IRX1: variants seen among roughly 807,000 people sequenced by gnomAD.
The protein encoded by IRX1 is iroquois-class homeodomain protein IRX-1.
IRX1 carries 22 observed loss-of-function variants against 34.1 expected under a neutral mutation model. The ratio of observed to expected loss-of-function variants is 0.64; its 90% confidence interval spans 0.46 to 0.92. The LOEUF (loss-of-function observed/expected upper bound fraction) is 0.92. Among genes scored for constraint, IRX1 ranks in the 40% least tolerant of loss-of-function variants. IRX1 has a pLI of 0.00. For missense variants in IRX1, 758 were observed against 680.0 expected (o/e 1.11, Z -1.28); for synonymous variants, 363 against 319.0 (o/e 1.14, Z -1.47).
Position 3,596,217 on chromosome 5 carries a change from G to T in IRX1, c.112G>T (p.Ala38Ser), listed in dbSNP as rs1207254610. 4.6e-6 allele frequency: 5 copies of T among 1,089,330 alleles called. No individual in the cohort carries two copies. The highest frequency in any genetic ancestry group is 4.5e-6 in the Non-Finnish European group (4 of 898,336). 67.5% of individuals were successfully genotyped at this position (1,089,330 alleles called of 1,614,324 possible). A position where few individuals can be genotyped will look rare whatever the true frequency, so the allele number is the denominator to read the frequency against. Residue 38 changes from alanine (A) to serine (S), a missense_variant, in exon 1 of 4, where the codon GCC becomes TCC. By Grantham distance (99) the Ala-to-Ser change is moderately conservative (BLOSUM62 1). Coordinates refer to ENST00000302006, the MANE Select transcript of IRX1 (RefSeq NM_024337.4). ...CGCGGCCGCTGCGGCGGCTGCCGCC[G>T]CCTCGTCGGGCCGACCGGGGGCCGC... is the stretch of plus-strand genomic sequence containing the variant. The part of the protein sequence containing the change: ...LAAAAAAAAA[A>S]SSGRPGAAEL...
rs983498536 is a variant in IRX1, at chr5:3,599,191, C to T, written c.277-34C>T. The T allele has an allele frequency of 1.9e-6, 3 of 1,584,768 alleles. No individual in the cohort carries two copies. In the African/African-American group the frequency reaches 4.0e-5, roughly 21 times the overall value. ...CCCTTTCTCTCTCCACTTCCCTCCTCTCTCTCCTCGATGGATCTGCCCTGT... is the reference window on the plus strand; with the variant it reads ...CCCTTTCTCTCTCCACTTCCCTCCTTTCTCTCCTCGATGGATCTGCCCTGT... On this transcript the variant is annotated intron_variant, in intron 1 of 3. Transcript: ENST00000302006. The surrounding 1 kb of genome is among the most constrained non-coding windows in gnomAD (Gnocchi z 6.6).
At position 3,601,068 on chromosome 5, in the gene IRX1, G is replaced by A. The variant is rs749783603; in HGVS notation, c.*28G>A. On this transcript the variant is annotated 3_prime_UTR_variant, in exon 4 of 4. Transcript: ENST00000302006. ...AAGGGTCTTCTTTTACTTTTGCGGG[G>A]GGGAGGGGGGAGGAGTTGGGGAGGG... is the stretch of plus-strand genomic sequence containing the variant. 5.0e-6 allele frequency: 8 copies of A among 1,590,104 alleles called. No homozygotes were observed. The highest frequency in any genetic ancestry group is 6.9e-6 in the Non-Finnish European group (8 of 1,159,186).
chr5:3,598,085 C>T (rs963641871), intron 1 of IRX1, among the ~76,000 whole-genome samples: 7 of 152,092 alleles, frequency 4.6e-5, no homozygotes, highest in Admixed American at 3.9e-4. Flanking sequence ...CTCCAGCTCT[C>T]CCACTGGTTC....
At position 3,599,167 on chromosome 5, in the gene IRX1, C is replaced by A; in HGVS notation, c.277-58C>A. The A allele has an allele frequency of 6.6e-7, 1 of 1,508,980 alleles. No individual in the cohort carries two copies. The highest frequency in any genetic ancestry group is 9.0e-7 in the Non-Finnish European group (1 of 1,108,548). The allele number at this position is 1,508,980 out of a possible 1,614,324, so 93.5% of individuals were successfully genotyped here. On this transcript the variant is annotated intron_variant, in intron 1 of 3. Coordinates refer to ENST00000302006, the MANE Select transcript of IRX1 (RefSeq NM_024337.4). This position sits in a 1 kb window ranked among gnomAD's most constrained non-coding sequence, Gnocchi z 6.6. ...GGACTCATGTCTCTCTCTCTCTCTC[C>A]CTTTCTCTCTCCACTTCCCTCCTCT...
chr5:3,598,830 C>T (rs530525155), intron 1 of IRX1, among the ~76,000 whole-genome samples: 183 of 152,284 alleles, frequency 1.2e-3, no homozygotes, highest in Non-Finnish European at 2.0e-3. Flanking sequence ...GAAAGATAAA[C>T]TTGGAAATGC....
Position 3,600,910 on chromosome 5 carries a change from C to A in IRX1, c.1386-73C>A, listed in dbSNP as rs577906857. On this transcript the variant is annotated intron_variant, in intron 3 of 3. Coordinates refer to ENST00000302006, the MANE Select transcript of IRX1 (RefSeq NM_024337.4). ...CGCCCCCAGGGCTCCGCTACTGGAA[C>A]CGGCGTCGCCCGGCGCTGCGTCCCC... The A allele has an allele frequency of 2.7e-4, 403 of 1,488,178 alleles. 6 individuals are homozygous for A. The South Asian group carries it at 4.3e-3, about 16-fold the overall frequency. 92.2% of individuals were successfully genotyped at this position (1,488,178 alleles called of 1,614,324 possible).
At chr5:3,596,438 G>T in intron 1 of IRX1, 57 bp downstream of exon 1, 2 of 1,383,640 alleles carry the variant, frequency 1.4e-6, no homozygotes, top group Non-Finnish European at 1.9e-6. Flanking sequence ...CAGGGCAAGG[G>T]TGGCGGGTCG....
In IRX1 at chr5:3,599,978, C is replaced by T. The variant is rs1378737642; in HGVS notation, c.1030C>T (p.His344Tyr). 1.3e-6 allele frequency: 2 copies of T among 1,511,972 alleles called. No individual in the cohort carries two copies. The highest frequency in any genetic ancestry group is 2.5e-5 in the South Asian group (2 of 78,718). 93.7% of individuals were successfully genotyped at this position (1,511,972 alleles called of 1,614,324 possible). Residue 344 changes from histidine (H) to tyrosine (Y), a missense_variant, in exon 2 of 4, where the codon CAC (histidine) becomes TAC (tyrosine). Transcript: ENST00000302006. The surrounding 1 kb of genome is among the most constrained non-coding windows in gnomAD (Gnocchi z 6.6). ...ACCACCCGCGGGCCACCCCGGCGCG[C>T]ACGGGCCCTCCGCCGGGGCGCCGCT... is the stretch of plus-strand genomic sequence containing the variant. Reference protein sequence around the residue: ...PPPPAGHPGAHGPSAGAPLQH... With the variant: ...PPPPAGHPGAYGPSAGAPLQH...
chr5:3,600,742 C>A, intron 3 of IRX1, 61 bp downstream of exon 3: 1 of 1,451,322 alleles, frequency 6.9e-7, no homozygotes, highest in Non-Finnish European at 9.6e-7. Context: ...GAGGAGTGGT[C>A]GGGACCCGGG....
chr5:3,598,930 A>G (rs1442475396), intron 1 of IRX1, among the ~76,000 whole-genome samples: 2 of 152,102 alleles, frequency 1.3e-5, no homozygotes, highest in African/African-American at 2.4e-5. Context: ...TGGAGAGTGC[A>G]CTGTTTGTGG....
Position 3,600,253 on chromosome 5 carries a change from G to T in IRX1, c.1305G>T (p.Thr435=), listed in dbSNP as rs1250835220. 5.0e-6 allele frequency: 8 copies of T among 1,590,278 alleles called. No homozygotes were observed. The highest frequency in any genetic ancestry group is 1.3e-5 in the African/African-American group (1 of 74,802). ...AGGCCTCGGTCCGCAGCAGCCCCAC[G>T]CTCCCAGGTACAGCTCCAGGCCGCG... The part of the protein sequence containing the change: ...GDKASVRSSP[T]LPERDLVPRP... Residue 435 remains threonine, a synonymous_variant, in exon 2 of 4, where the codon ACG becomes ACT. Coordinates refer to ENST00000302006, the MANE Select transcript of IRX1 (RefSeq NM_024337.4).
chr5:3,598,699 G>A (rs541677413), intron 1 of IRX1, among the ~76,000 whole-genome samples: 4 of 152,196 alleles, frequency 2.6e-5, no homozygotes, highest in Non-Finnish European at 5.9e-5. Flanking sequence ...AGAAAACCCG[G>A]GATGGTTTAT....
Position 3,595,929 on chromosome 5 carries a change from C to T in IRX1, c.-177C>T. On this transcript the variant is annotated 5_prime_UTR_variant, in exon 1 of 4. Transcript: ENST00000302006. ...CCGGGAGCCGGGCGCCTGCGAGCAC[C>T]GGGCAGAGGAGCCGCGACCGGCCTC... 1 of 212,784 alleles carries T rather than the reference C, an allele frequency of 4.7e-6. No individual in the cohort carries two copies. Among genetic ancestry groups the T allele is most frequent in the Non-Finnish European group, 8.2e-6 (1 of 121,254 alleles). 13.2% of individuals were successfully genotyped at this position (212,784 alleles called of 1,614,324 possible). A position where few individuals can be genotyped will look rare whatever the true frequency, so the allele number is the denominator to read the frequency against.
rs528222916 is a variant in IRX1, at chr5:3,600,192, C to T, written c.1244C>T (p.Pro415Leu). 9.3e-6 allele frequency: 15 copies of T among 1,612,050 alleles called. No individual in the cohort carries two copies. Among genetic ancestry groups the T allele is most frequent in the South Asian group, 1.1e-5 (1 of 91,004 alleles). The change falls in exon 2 of 4, where the codon CCG becomes CTG. Residue 415 changes from proline to leucine, a missense_variant. Around this residue, in one of 3 missense-constraint regions of IRX1, gnomAD observed 529 missense variants for 418.8 expected, o/e 1.26. Coordinates refer to ENST00000302006, the MANE Select transcript of IRX1 (RefSeq NM_024337.4). ...CCTGCACCTCCACCACCGCAGCCGC[C>T]GGTCGCTATTGCCCCGGGGGCACTC... ...HLPAPPPPQP[P>L]VAIAPGALNG...
chr5:3,598,017 T>A (rs1733833419), intron 1 of IRX1, among the ~76,000 whole-genome samples: 1 of 152,066 alleles, frequency 6.6e-6, no homozygotes, highest in African/African-American at 2.4e-5. Flanking sequence ...TCTGAGTTGT[T>A]TTTCCCACCT....
At chr5:3,600,869 C>T (rs1733948067) in intron 3 of IRX1, 114 bp from the exon 4 acceptor site, 4 of 1,250,338 alleles carry the variant, frequency 3.2e-6, no homozygotes, top group Non-Finnish European at 4.7e-6. Flanking sequence ...CCGGGAGCCG[C>T]GCTGGCTGTC....
At chr5:3,596,705 C>T (rs1307651994) in intron 1 of IRX1, among the ~76,000 whole-genome samples, 4 of 152,130 alleles carry the variant, frequency 2.6e-5, no homozygotes, top group Middle Eastern at 3.2e-3. Flanking sequence ...GCAAACTCGC[C>T]TGGCTCGGCC....
intron 1 of IRX1, 43 bp downstream of exon 1, chr5:3,596,424 G>A (rs772539470): frequency 1.4e-6 from 2 of 1,426,438 alleles, no homozygotes; most frequent in African/African-American, 1.5e-5. Flanking sequence ...TGTCTCACCC[G>A]CGCCAGGGCA....
rs531141543 is a variant in IRX1 at position 3,601,212 on chromosome 5, G to A, written c.*172G>A. ...CAGAAAGGGGCTTCTTCGGTCCCGA[G>A]CTCGCGTCCAGGTGGCCAGGCCTCT... On this transcript the variant is annotated 3_prime_UTR_variant, in exon 4 of 4. Coordinates refer to ENST00000302006, the MANE Select transcript of IRX1 (RefSeq NM_024337.4). 6.0e-6 allele frequency: 4 copies of A among 670,004 alleles called. No homozygotes were observed. In the South Asian group the frequency reaches 7.3e-5, roughly 12 times the overall value. 41.5% of individuals were successfully genotyped at this position (670,004 alleles called of 1,614,324 possible).
Sources: allele counts gnomAD v4.1 joint callset (sites outside exome capture counted in the v4.1 genomes callset), GRCh38; gene constraint gnomAD v4.1.1; regional missense constraint gnomAD v4.1.1; non-coding constraint Gnocchi (gnomAD v3.1); transcripts MANE v1.5; gene names NCBI Gene and HGNC (gene_info 2026-07-23, HGNC 2026-07-21).